Variants in NGEF observed in about 807,000 individuals in gnomAD.
NGEF encodes the protein neuronal guanine nucleotide exchange factor, also known as ephexin-1.
In NGEF, 31 loss-of-function variants were observed where a neutral mutation model predicts 80.9. The ratio of observed to expected loss-of-function variants is 0.38; its 90% CI spans 0.29 to 0.52. The LOEUF is 0.52. Ranked by LOEUF, NGEF falls within the 20% of genes least tolerant of loss-of-function variation. NGEF has a pLI of 0.84. For missense variants in NGEF, 709 were observed against 926.2 expected (o/e 0.77, Z 3.04); for synonymous variants, 371 against 370.2 (o/e 1.00, Z -0.03).
At chr2:232,903,413 G>C (rs958817805) in intron 5 of NGEF, among the ~76,000 whole-genome samples, 3 of 150,628 alleles carry the variant, frequency 2.0e-5, no homozygotes, top group African/African-American at 7.4e-5. Context: ...TTTAATACTA[G>C]TTTACATTTG....
chr2:232,915,408 T>C (rs1389443672), intron 5 of NGEF, among the ~76,000 whole-genome samples: 1 of 150,484 alleles, frequency 6.6e-6, no homozygotes, highest in Non-Finnish European at 1.5e-5. Flanking sequence ...TAATTTTGTA[T>C]TTATCTCTTT....
At chr2:232,969,120 A>C (rs1219383216) in intron 3 of NGEF, among the ~76,000 whole-genome samples, 1 of 152,220 alleles carries the variant, frequency 6.6e-6, no homozygotes, top group African/African-American at 2.4e-5. Flanking sequence ...CCAAAACCCA[A>C]CAATAGGAGC....
intron 3 of NGEF, among the ~76,000 whole-genome samples, chr2:232,942,807 A>G (rs985241485): frequency 1.4e-5 from 2 of 144,740 alleles, no homozygotes; most frequent in African/African-American, 5.1e-5. Context: ...AAAAAAAAAA[A>G]GAAAAGAAAA....
In NGEF at chr2:232,965,721, A is replaced by G. The variant is rs201148626; in HGVS notation, c.383+4493T>C. Among the ~76,000 whole-genome samples the G allele has an allele frequency of 1.1e-4, 17 of 152,296 alleles. No individual in the cohort carries two copies. In the East Asian group the frequency reaches 3.3e-3, roughly 29 times the overall value. On this transcript the variant is annotated intron_variant, in intron 3 of 14. Coordinates refer to ENST00000264051, the MANE Select transcript of NGEF (RefSeq NM_019850.3). ...TAGAAAATGTCTCCACAGCAGGTGT[A>G]TCATGACTTATCTCGCCATGGAGAT...
chr2:232,898,317 G>C (rs1692163290), intron 5 of NGEF, among the ~76,000 whole-genome samples: 1 of 152,200 alleles, frequency 6.6e-6, no homozygotes, highest in Admixed American at 6.5e-5. Context: ...TGACACCCTG[G>C]CTCTGGATCA....
At chr2:232,896,686 A>ATGGGGGTGGGGGTAGGGG (rs1559197162) in intron 5 of NGEF, among the ~76,000 whole-genome samples, 1 of 3,654 alleles carries the variant, frequency 2.7e-4, no homozygotes, top group Non-Finnish European at 4.7e-4. Context: ...GGGGGTAGGG[A>ATGGGGGTGGGGGTAGGGG]TGGGGGTGGG....
At chr2:232,886,067 T>C (rs535926146) in intron 9 of NGEF, among the ~76,000 whole-genome samples, 7 of 95,904 alleles carry the variant, frequency 7.3e-5, no homozygotes, top group Non-Finnish European at 1.6e-4. Context: ...CAAGCCCTTT[T>C]TGTAAAGAAT....
In NGEF at chr2:232,894,862, G is replaced by C. The variant is rs1194385125; in HGVS notation, c.883C>G (p.Leu295Val). The stretch of plus-strand genomic sequence containing the variant: ...TCGTTCTCCATGAAGTGGGACACGA[G>C]CAGGTTCAGACTCTTGTAGTAGGAC... The part of the protein sequence containing the change: ...EASYYKSLNL[L>V]VSHFMENERI... Residue 295 changes from leucine to valine, a missense_variant, in exon 6 of 15, where the codon CTC becomes GTC. By Grantham distance (32) the Leu-to-Val change is conservative (BLOSUM62 1). This residue lies in a region of NGEF where 426 missense variants were observed against 622.9 expected (regional missense o/e 0.68). Transcript: ENST00000264051. The C allele has an allele frequency of 6.2e-7, 1 of 1,610,830 alleles. No homozygotes were observed. The highest frequency in any genetic ancestry group is 8.5e-7 in the Non-Finnish European group (1 of 1,178,336).
chr2:232,891,143 C>T (rs1288415685), intron 8 of NGEF, among the ~76,000 whole-genome samples: 1 of 152,272 alleles, frequency 6.6e-6, no homozygotes, highest in East Asian at 1.9e-4. Context: ...GCCATGCCCA[C>T]TTCCTGGCTG....
At chr2:232,990,334 C>T (rs1230353229) in intron 1 of NGEF, among the ~76,000 whole-genome samples, 1 of 152,034 alleles carries the variant, frequency 6.6e-6, no homozygotes, top group East Asian at 1.9e-4. Flanking sequence ...TACAAACAAC[C>T]TATATAAAGG....
At chr2:232,882,568 G>A (rs920545986) in intron 12 of NGEF, among the ~76,000 whole-genome samples, 1 of 152,254 alleles carries the variant, frequency 6.6e-6, no homozygotes, top group African/African-American at 2.4e-5. Flanking sequence ...TAACGCGTAA[G>A]AGCACATTCC....
At chr2:232,886,103 C>T (rs1691673652) in intron 9 of NGEF, among the ~76,000 whole-genome samples, 1 of 77,140 alleles carries the variant, frequency 1.3e-5, no homozygotes, top group African/African-American at 5.3e-5. Flanking sequence ...CTGTGTGTGC[C>T]ATGTGTGCAT....
chr2:232,932,418 G>A (rs1327860932), intron 3 of NGEF, among the ~76,000 whole-genome samples: 1 of 152,020 alleles, frequency 6.6e-6, no homozygotes, highest in African/African-American at 2.4e-5. Flanking sequence ...ACCCGACTCG[G>A]CCTCCCAAAG....
At chr2:232,995,258 G>A (rs1435663284) in intron 1 of NGEF, among the ~76,000 whole-genome samples, 12 of 44,278 alleles carry the variant, frequency 2.7e-4, no homozygotes, top group African/African-American at 1.6e-3. Context: ...CTGTATATGT[G>A]TACAGTATGT....
At chr2:232,971,263 C>T (rs979169876) in intron 2 of NGEF, among the ~76,000 whole-genome samples, 1 of 152,170 alleles carries the variant, frequency 6.6e-6, no homozygotes, top group Non-Finnish European at 1.5e-5. Context: ...TCCCCAGCCC[C>T]CACCCCGTGC....
intron 1 of NGEF, among the ~76,000 whole-genome samples, chr2:233,010,477 T>C (rs552821489): frequency 6.2e-4 from 95 of 152,336 alleles, no homozygotes; most frequent in African/African-American, 2.2e-3. Context: ...GATGGAAGAT[T>C]GTTGAATGAT....
intron 1 of NGEF, among the ~76,000 whole-genome samples, chr2:233,006,337 T>C (rs1395967458): frequency 1.3e-5 from 2 of 152,208 alleles, no homozygotes; most frequent in Non-Finnish European, 2.9e-5. Context: ...TATTATTCAC[T>C]GGAGGGAAGT....
chr2:232,975,971 C>T (rs1004775999), intron 1 of NGEF, among the ~76,000 whole-genome samples: 4 of 152,150 alleles, frequency 2.6e-5, no homozygotes, highest in Non-Finnish European at 5.9e-5. Flanking sequence ...GAGGCCGAGG[C>T]GAGCAGATCA....
intron 3 of NGEF, among the ~76,000 whole-genome samples, chr2:232,944,433 T>C (rs1238350219): frequency 6.6e-6 from 1 of 152,044 alleles, no homozygotes. Context: ...CTAAGGAGAC[T>C]GGTTGAATGA....
Sources: gnomAD v4.1 joint callset for allele counts (sites outside exome capture counted in the v4.1 genomes callset) on GRCh38, gnomAD v4.1.1 for gene constraint, gnomAD v4.1.1 regional missense constraint, MANE v1.5 for transcripts, NCBI Gene and HGNC (gene_info 2026-07-23, HGNC 2026-07-21) for gene names.